The following CRYZ variants were observed in gnomAD, a reference collection of about 807,000 sequenced individuals.
The protein encoded by CRYZ is crystallin zeta.
Under a neutral mutation model 34.1 loss-of-function variants are expected in CRYZ, and 35 were observed. That is an observed-to-expected ratio of 1.03 (90% CI 0.78 to 1.36). The LOEUF is 1.36. Ranked by LOEUF, CRYZ falls within the 40% of genes most tolerant of loss-of-function variation. The pLI is 0.00. For missense variants in CRYZ, 403 were observed against 391.8 expected (o/e 1.03, Z -0.24); for synonymous variants, 137 against 136.5 (o/e 1.00, Z -0.03).
In CRYZ at chr1:74,706,443, T is replaced by C; in HGVS notation, c.843A>G (p.Gln281=). ...LFSSTKEEFQ[Q]YAAALQAGME... is the part of the protein sequence containing the mutation. ...TTCCAGCTTGAAGGGCTGCTGCATA[T>C]TGCTGAAATTCCTCCTAAGAAAAGG... The change falls in exon 9 of 9, where the codon CAA becomes CAG. Residue 281 remains glutamine, a synonymous_variant. Coordinates refer to ENST00000340866, the MANE Select transcript of CRYZ (RefSeq NM_001889.4). The C allele has an allele frequency of 6.3e-7, 1 of 1,596,682 alleles. No individual in the cohort carries two copies. The highest frequency in any genetic ancestry group is 1.1e-5 in the South Asian group (1 of 87,290).
chr1:74,724,584 ATAGTG>A, intron 2 of CRYZ, 122 bp downstream of exon 2: 1 of 613,224 alleles, frequency 1.6e-6, no homozygotes, highest in Non-Finnish European at 2.9e-6. Context: ...ATATGTATAC[ATAGTG>A]TAAACTGCAT....
At chr1:74,711,499 A>G (rs1465818089) in intron 5 of CRYZ, among the ~76,000 whole-genome samples, 1 of 152,212 alleles carries the variant, frequency 6.6e-6, no homozygotes, top group East Asian at 1.9e-4. Flanking sequence ...GGAGATGAGG[A>G]AAAGAGAAAA....
At chr1:74,729,646 CAAA>C (rs143083074) in intron 1 of CRYZ, among the ~76,000 whole-genome samples, 12 of 68,458 alleles carry the variant, frequency 1.8e-4, no homozygotes, top group Admixed American at 5.3e-4. Context: ...GACCCTGTCT[CAAA>C]AAAAAAAAAA....
intron 3 of CRYZ, among the ~76,000 whole-genome samples, chr1:74,720,625 A>G (rs1647146953): frequency 6.6e-6 from 1 of 152,196 alleles, no homozygotes; most frequent in Non-Finnish European, 1.5e-5. Flanking sequence ...ATCTGATAGG[A>G]TAAAGACAAA....
chr1:74,720,024 G>T (rs1338992242), intron 3 of CRYZ, among the ~76,000 whole-genome samples: 2 of 151,976 alleles, frequency 1.3e-5, no homozygotes, highest in African/African-American at 4.8e-5. Context: ...AGTGAGGTGG[G>T]CATGTATTAT....
In CRYZ at chr1:74,710,146, G is replaced by A. The variant is rs1646981939; in HGVS notation, c.582C>T (p.Ala194=). ...CTTCTCTGTGATTGAACACTTCATG[G>A]GCTCCATTTTGCAAAACAATCTTTT... ...EGQKIVLQNG[A]HEVFNHREVN... Residue 194 remains alanine (A), a synonymous_variant, in exon 6 of 9, where the codon GCC becomes GCT. Coordinates refer to ENST00000340866, the MANE Select transcript of CRYZ (RefSeq NM_001889.4). 2.5e-6 allele frequency: 4 copies of A among 1,613,572 alleles called. No individual in the cohort carries two copies. In the African/African-American group the frequency reaches 4.0e-5, roughly 16 times the overall value.
chr1:74,718,957 T>C (rs1470917324), intron 4 of CRYZ, among the ~76,000 whole-genome samples: 2 of 152,170 alleles, frequency 1.3e-5, no homozygotes, highest in African/African-American at 2.4e-5. Context: ...ACATTATATA[T>C]AAATATGATC....
intron 4 of CRYZ, 73 bp downstream of exon 4, chr1:74,719,136 A>G: frequency 1.4e-6 from 2 of 1,455,534 alleles, no homozygotes; most frequent in Non-Finnish European, 1.9e-6. Context: ...GGATGGACAG[A>G]CAGCTAGAAG....
chr1:74,706,220 GA>G lies in CRYZ; in HGVS notation c.*75del. ...CTCATGGAATCGAATGTTAATTAAA[GA>G]AAAGATAGGGTAAGTACAACTGGGG... On this transcript the variant is annotated 3_prime_UTR_variant, in exon 9 of 9. Transcript: ENST00000340866. The G allele has an allele frequency of 8.1e-7, 1 of 1,236,394 alleles. No individual in the cohort carries two copies. The highest frequency in any genetic ancestry group is 1.1e-6 in the Non-Finnish European group (1 of 917,072). 76.6% of individuals were successfully genotyped at this position (1,236,394 alleles called of 1,614,324 possible).
chr1:74,723,999 A>G (rs1415902506), intron 2 of CRYZ, among the ~76,000 whole-genome samples: 2 of 152,206 alleles, frequency 1.3e-5, no homozygotes, highest in Non-Finnish European at 2.9e-5. Flanking sequence ...GGTTTAAAAG[A>G]TAAGTAGAAA....
Position 74,719,324 on chromosome 1 carries a change from C to A in CRYZ, c.313G>T (p.Glu105Ter), listed in dbSNP as rs1278709908. 1 of 1,613,604 alleles carries A rather than the reference C, an allele frequency of 6.2e-7. No individual in the cohort carries two copies. The highest frequency in any genetic ancestry group is 2.2e-5 in the East Asian group (1 of 44,880). Residue 105 changes from glutamate to a stop codon, truncating the protein, a stop_gained, in exon 4 of 9, where the codon GAG (glutamate) becomes TAG (stop). Coordinates refer to ENST00000340866, the MANE Select transcript of CRYZ (RefSeq NM_001889.4). LOFTEE classifies it high-confidence loss of function. ...TSSTISGGYA[E>*]YALAADHTVY... ...GTGTGGTCTGCTGCAAGAGCATACT[C>A]TGCATAACCCCCAGAGATCGTGCTG... is the stretch of plus-strand genomic sequence containing the variant.
At chr1:74,706,638 C>T (rs1252356863) in intron 8 of CRYZ, among the ~76,000 whole-genome samples, 181 bp from the exon 9 acceptor site, 1 of 152,034 alleles carries the variant, frequency 6.6e-6, no homozygotes, top group Non-Finnish European at 1.5e-5. Flanking sequence ...ACCATAAATC[C>T]CATCTGCCTG....
intron 1 of CRYZ, among the ~76,000 whole-genome samples, chr1:74,727,776 A>C (rs1254856935): frequency 2.6e-5 from 4 of 151,988 alleles, no homozygotes; most frequent in African/African-American, 9.7e-5. Flanking sequence ...GAATTATGGG[A>C]GCTACAATTG....
intron 1 of CRYZ, among the ~76,000 whole-genome samples, chr1:74,729,909 G>C (rs1570029048): frequency 6.6e-6 from 1 of 152,174 alleles, no homozygotes; most frequent in East Asian, 1.9e-4. Flanking sequence ...AACACAAAGA[G>C]CAAGAAGAAA....
intron 2 of CRYZ, 152 bp from the exon 3 acceptor site, chr1:74,723,422 T>C: frequency 1.5e-6 from 1 of 677,526 alleles, no homozygotes; most frequent in Non-Finnish European, 2.5e-6. Context: ...TTCCAAGTTT[T>C]ACAAGCTAAC....
chr1:74,732,350 G>A (rs1186551901), intron 1 of CRYZ, among the ~76,000 whole-genome samples: 2 of 148,084 alleles, frequency 1.4e-5, no homozygotes, highest in South Asian at 4.3e-4. Flanking sequence ...GCTGACAGGT[G>A]GGCTGTGGGA....
chr1:74,726,202 C>T (rs577509210), intron 1 of CRYZ, among the ~76,000 whole-genome samples: 1 of 152,218 alleles, frequency 6.6e-6, no homozygotes, highest in African/African-American at 2.4e-5. Flanking sequence ...TCCCAGCCCA[C>T]ATTTCCCTTC....
chr1:74,709,354 T>C (rs1014233287), intron 6 of CRYZ, among the ~76,000 whole-genome samples: 3 of 152,016 alleles, frequency 2.0e-5, no homozygotes, highest in African/African-American at 7.2e-5. Flanking sequence ...AGATCTTAGG[T>C]TCCCCAGACG....
chr1:74,718,450 T>C (rs898584889), intron 4 of CRYZ, among the ~76,000 whole-genome samples: 4 of 152,144 alleles, frequency 2.6e-5, no homozygotes, highest in African/African-American at 9.6e-5. Flanking sequence ...AGCTCTATAA[T>C]CTGTCTTTTA....
Sources: allele counts gnomAD v4.1 joint callset (sites outside exome capture counted in the v4.1 genomes callset), GRCh38; gene constraint gnomAD v4.1.1; transcripts MANE v1.5; gene names NCBI Gene and HGNC (gene_info 2026-07-23, HGNC 2026-07-21).